FYB1: variants seen among roughly 807,000 people sequenced by gnomAD.
FYB1 encodes the protein FYN binding protein 1.
A neutral mutation model predicts 94.1 loss-of-function variants in FYB1; 41 were observed. The observed-to-expected ratio is 0.44, with a 90% CI of 0.34 to 0.57. The LOEUF is 0.57. Ranked by LOEUF, FYB1 falls within the 20% of genes least tolerant of loss-of-function variation. The pLI is 0.02. For missense variants in FYB1, 1,050 were observed against 976.8 expected (o/e 1.07, Z -1.00); for synonymous variants, 367 against 353.2 (o/e 1.04, Z -0.44).
chr5:39,132,083 C>A (rs1741251972), intron 9 of FYB1, among the ~76,000 whole-genome samples: 1 of 152,118 alleles, frequency 6.6e-6, no homozygotes, highest in Non-Finnish European at 1.5e-5. Flanking sequence ...ACTGTAGATA[C>A]TGCTTTAGTG....
chr5:39,270,118 A>G (rs1472356690), intron 1 of FYB1, among the ~76,000 whole-genome samples: 1 of 152,186 alleles, frequency 6.6e-6, no homozygotes, highest in Non-Finnish European at 1.5e-5. Context: ...AAATAAAAAA[A>G]TACATTTTCA....
Position 39,126,695 on chromosome 5 carries a change from C to CAAAAA in FYB1, c.1908-565_1908-561dup, listed in dbSNP as rs1272438775. ...GGGGCAACAGAGTGAGACCTGGTCTCAAAAAAAAAAAAAAAAAAAAAAAAG... is the reference window on the plus strand; with the variant it reads ...GGGGCAACAGAGTGAGACCTGGTCTCAAAAAAAAAAAAAAAAAAAAAAAAAAAAAG... On this transcript the variant is annotated intron_variant, in intron 11 of 18. Transcript: ENST00000512982. Among the ~76,000 whole-genome samples, 68 of 29,020 alleles carry CAAAAA rather than the reference C, an allele frequency of 2.3e-3. 10 individuals carry two copies. The highest frequency in any genetic ancestry group is 8.2e-3 in the African/African-American group (63 of 7,682). 19.0% of individuals were successfully genotyped at this position (29,020 alleles called of 152,430 possible). A position where few individuals can be genotyped will look rare whatever the true frequency, so the allele number is the denominator to read the frequency against.
chr5:39,120,021 T>C (rs1042969192), intron 14 of FYB1, among the ~76,000 whole-genome samples: 17 of 152,262 alleles, frequency 1.1e-4, no homozygotes, highest in African/African-American at 4.1e-4. Flanking sequence ...TAAGAAAGGC[T>C]TTTTAAAAAA....
intron 2 of FYB1, among the ~76,000 whole-genome samples, chr5:39,158,570 C>T (rs1247780036): frequency 6.6e-6 from 1 of 152,180 alleles, no homozygotes; most frequent in East Asian, 1.9e-4. Flanking sequence ...TATTACTTCA[C>T]AAACTTTGCA....
chr5:39,247,525 A>T (rs835186), intron 1 of FYB1, among the ~76,000 whole-genome samples: 25,561 of 152,056 alleles, frequency 0.17, 5,745 homozygotes, highest in African/African-American at 0.5. Context: ...GGTTCATGTC[A>T]ACAGATTAAC....
intron 16 of FYB1, among the ~76,000 whole-genome samples, chr5:39,111,344 C>T (rs1191487281): frequency 6.6e-6 from 1 of 151,766 alleles, no homozygotes; most frequent in Non-Finnish European, 1.5e-5. Context: ...GGTTTTGGTC[C>T]ACTTTAGATC....
At chr5:39,159,684 C>T (rs772228993) in intron 2 of FYB1, among the ~76,000 whole-genome samples, 3 of 152,314 alleles carry the variant, frequency 2.0e-5, no homozygotes, top group East Asian at 1.9e-4. Context: ...CTTGCTCTCC[C>T]GTTTTTCTAT....
At chr5:39,262,808 GA>G (rs999406657) in intron 1 of FYB1, among the ~76,000 whole-genome samples, 3 of 151,726 alleles carry the variant, frequency 2.0e-5, no homozygotes, top group African/African-American at 7.3e-5. Context: ...CAGAAATCAT[GA>G]AAAAAAATCT....
chr5:39,121,183 C>CAAAAAAAAAAAAA (rs56376626), intron 14 of FYB1, among the ~76,000 whole-genome samples: 2 of 57,668 alleles, frequency 3.5e-5, no homozygotes, highest in African/African-American at 6.0e-5. Flanking sequence ...TAATGTAAAG[C>CAAAAAAAAAAAAA]AAAAAAAAAA....
chr5:39,273,050 C>T (rs1282128683), intron 1 of FYB1, among the ~76,000 whole-genome samples: 2 of 152,138 alleles, frequency 1.3e-5, no homozygotes, highest in African/African-American at 2.4e-5. Context: ...GGCCAGCCAC[C>T]CCGTCCGGGA....
chr5:39,173,597 C>A (rs1471939854), intron 2 of FYB1, among the ~76,000 whole-genome samples: 1 of 152,120 alleles, frequency 6.6e-6, no homozygotes, highest in Non-Finnish European at 1.5e-5. Flanking sequence ...AAATCTTTAA[C>A]CCACTTGAGT....
rs1021483666 is a variant in FYB1 at position 39,232,550 on chromosome 5, T to A, written c.-27-29563A>T. Among the ~76,000 whole-genome samples the A allele has an allele frequency of 1.2e-3, 167 of 141,708 alleles. 2 individuals are homozygous for A. Among genetic ancestry groups the A allele is most frequent in the African/African-American group, 4.8e-3 (158 of 33,086 alleles). The allele number at this position is 141,708 out of a possible 152,430, so 93.0% of individuals were successfully genotyped here. On this transcript the variant is annotated intron_variant, in intron 1 of 1. Coordinates refer to the FYB1 transcript ENST00000510188. ...TTATTTATTTATTTATTTATTTATT[T>A]TTTATTTATTTTTTTTGCTTTTTTT... is the stretch of plus-strand genomic sequence containing the variant.
chr5:39,153,739 A>G (rs1053742110), intron 2 of FYB1, 135 bp from the exon 3 acceptor site: 1 of 733,722 alleles, frequency 1.4e-6, no homozygotes, highest in African/African-American at 1.8e-5. Context: ...TTTTCAATAA[A>G]GAGTATGTTT....
chr5:39,267,230 T>G (rs1301130130), intron 1 of FYB1, among the ~76,000 whole-genome samples: 2 of 152,158 alleles, frequency 1.3e-5, no homozygotes, highest in Non-Finnish European at 2.9e-5. Context: ...TATGCATACT[T>G]TGGAAACTAT....
intron 1 of FYB1, among the ~76,000 whole-genome samples, chr5:39,225,192 A>G (rs1379958081): frequency 6.6e-6 from 1 of 152,160 alleles, no homozygotes; most frequent in Non-Finnish European, 1.5e-5. Flanking sequence ...CACTGCAAAA[A>G]TGTGAATATT....
chr5:39,202,603 A>G lies in FYB1; in HGVS notation c.358T>C (p.Leu120=), dbSNP rs1226867102. 1 of 1,613,708 alleles carries G rather than the reference A, an allele frequency of 6.2e-7. No homozygotes were observed. The highest frequency in any genetic ancestry group is 1.7e-5 in the Admixed American group (1 of 59,976). Reference sequence around the variant, plus strand: ...GTAGGTTTGGAATCTTCTTTGGGCAAGTTGATGGGCTTGGGGCCTACAGGT... The same window carrying G: ...GTAGGTTTGGAATCTTCTTTGGGCAGGTTGATGGGCTTGGGGCCTACAGGT... The part of the protein sequence containing the change: ...LKPVGPKPIN[L]PKEDSKPTFP... Residue 120 remains leucine, a synonymous_variant, in exon 2 of 19, where the codon TTG becomes CTG. Transcript: ENST00000512982.
intron 13 of FYB1, 97 bp downstream of exon 13, chr5:39,124,156 G>T: frequency 1.2e-6 from 1 of 825,650 alleles, no homozygotes; most frequent in Non-Finnish European, 1.9e-6. Flanking sequence ...TATTTTCAGA[G>T]TCAAGACTTT....
chr5:39,172,289 T>A (rs1745320251), intron 2 of FYB1, among the ~76,000 whole-genome samples: 1 of 151,888 alleles, frequency 6.6e-6, no homozygotes. Context: ...CTACTAAATA[T>A]ACAAAAATCA....
At chr5:39,208,653 G>T (rs1327462816) in intron 1 of FYB1, among the ~76,000 whole-genome samples, 2 of 152,164 alleles carry the variant, frequency 1.3e-5, no homozygotes, top group Non-Finnish European at 1.5e-5. Context: ...AAGAGAAACG[G>T]TTCCAGAAAG....
Sources: gnomAD v4.1 joint callset for allele counts (sites outside exome capture counted in the v4.1 genomes callset) on GRCh38, gnomAD v4.1.1 for gene constraint, MANE v1.5 for transcripts, NCBI Gene and HGNC (gene_info 2026-07-23, HGNC 2026-07-21) for gene names.